The following MLIP variants were observed in gnomAD, a reference collection of about 807,000 sequenced individuals.
The protein encoded by MLIP is muscular LMNA interacting protein.
A neutral mutation model predicts 84.8 loss-of-function variants in MLIP; 79 were observed. That is an observed-to-expected ratio of 0.93 (90% CI 0.78 to 1.12). The LOEUF (loss-of-function observed/expected upper bound fraction) is 1.12. Ranked by LOEUF, MLIP falls within the 50% of genes most tolerant of loss-of-function variation. The pLI, the probability that MLIP is intolerant of heterozygous loss-of-function variation, is 0.00. For synonymous variants in MLIP, 504 were observed against 463.0 expected, an observed-to-expected ratio of 1.09 and a Z score of -1.14; for missense variants, 1,257 against 1,160.6, an observed-to-expected ratio of 1.08 and a Z score of -1.21.
chr6:54,158,675 T>G (rs1468680351), intron 5 of MLIP, among the ~76,000 whole-genome samples: 3 of 152,058 alleles, frequency 2.0e-5, no homozygotes, highest in African/African-American at 7.2e-5. Flanking sequence ...GACAATTTTG[T>G]GTGTGTTCAA....
chr6:54,209,410 T>A (rs926551439), intron 11 of MLIP, among the ~76,000 whole-genome samples: 2 of 152,178 alleles, frequency 1.3e-5, no homozygotes, highest in South Asian at 2.1e-4. Flanking sequence ...GCTTGTGAAG[T>A]TCAGCCTATG....
intron 1 of MLIP, among the ~76,000 whole-genome samples, chr6:54,039,853 A>G (rs1365849769): frequency 1.3e-5 from 2 of 151,952 alleles, no homozygotes; most frequent in African/African-American, 2.4e-5. Context: ...AAAATGTTAA[A>G]CATTTTAGAT....
intron 1 of MLIP, among the ~76,000 whole-genome samples, chr6:54,037,661 G>T (rs933044462): frequency 6.6e-6 from 1 of 151,950 alleles, no homozygotes; most frequent in Non-Finnish European, 1.5e-5. Context: ...AAGTTTATCA[G>T]ATTTGTTGAG....
At chr6:54,106,137 A>G (rs1768995268) in intron 1 of MLIP, among the ~76,000 whole-genome samples, 1 of 152,156 alleles carries the variant, frequency 6.6e-6, no homozygotes, top group African/African-American at 2.4e-5. Flanking sequence ...AGACTGGGCT[A>G]CAGAGTGGTC....
intron 1 of MLIP, among the ~76,000 whole-genome samples, chr6:54,022,523 A>C (rs959721424): frequency 3.9e-5 from 6 of 152,238 alleles, no homozygotes; most frequent in Non-Finnish European, 8.8e-5. Context: ...TACTTCTGGA[A>C]TAGTTTTAAG....
At chr6:54,176,936 AAAC>A (rs1193768755) in intron 9 of MLIP, among the ~76,000 whole-genome samples, 2 of 152,100 alleles carry the variant, frequency 1.3e-5, no homozygotes, top group African/African-American at 4.8e-5. Flanking sequence ...AACCTGACAA[AAAC>A]AAGCAATGGG....
intron 1 of MLIP, among the ~76,000 whole-genome samples, chr6:54,048,641 G>A (rs1420460427): frequency 1.3e-5 from 2 of 152,130 alleles, no homozygotes; most frequent in African/African-American, 4.8e-5. Context: ...AATGTTCAAG[G>A]CATAGGTTAA....
chr6:54,149,177 T>A, intron 5 of MLIP, 50 bp downstream of exon 5: 1 of 1,495,208 alleles, frequency 6.7e-7, no homozygotes, highest in Non-Finnish European at 9.2e-7. Flanking sequence ...ATGTGATTTT[T>A]AAAATGTTTT....
chr6:54,055,049 A>G (rs558199791), intron 1 of MLIP, among the ~76,000 whole-genome samples: 7 of 151,996 alleles, frequency 4.6e-5, no homozygotes, highest in African/African-American at 1.7e-4. Flanking sequence ...CACCACGCCC[A>G]GCTATTTTTT....
intron 4 of MLIP, among the ~76,000 whole-genome samples, chr6:54,143,726 G>A (rs768497609): frequency 1.8e-4 from 27 of 152,226 alleles, no homozygotes; most frequent in Non-Finnish European, 2.6e-4. Flanking sequence ...AACCATAGAC[G>A]AAGAACTAAA....
chr6:54,081,978 T>G lies in MLIP; in HGVS notation c.64-39469T>G, dbSNP rs12209586. 9.8e-3 allele frequency among the ~76,000 whole-genome samples: 1,491 copies of G among 152,166 alleles called. 12 individuals are homozygous for G. Among genetic ancestry groups the G allele is most frequent in the Non-Finnish European group, 0.015 (1,050 of 67,992 alleles). The stretch of plus-strand genomic sequence containing the variant: ...TCTTGTGTAGCTCTCCCTGTCTCAT[T>G]CTCCCCAACTTTGCCTAGTGTTTAC... On this transcript the variant is annotated intron_variant, in intron 1 of 12. Coordinates refer to the MLIP transcript ENST00000274897.
At chr6:54,234,387 C>A (rs942831414) in intron 12 of MLIP, among the ~76,000 whole-genome samples, 1 of 152,090 alleles carries the variant, frequency 6.6e-6, no homozygotes, top group African/African-American at 2.4e-5. Flanking sequence ...AAAGTTAGAT[C>A]TTATTATCAC....
intron 1 of MLIP, among the ~76,000 whole-genome samples, chr6:54,084,825 G>C (rs75684844): frequency 6.6e-6 from 1 of 152,122 alleles, no homozygotes; most frequent in South Asian, 2.1e-4. Flanking sequence ...GTGGATAAAA[G>C]CTTCAAAAAT....
intron 1 of MLIP, among the ~76,000 whole-genome samples, chr6:54,086,801 T>C (rs1186471572): frequency 2.0e-5 from 3 of 152,182 alleles, no homozygotes; most frequent in Admixed American, 2.0e-4. Context: ...TTCACCTAGA[T>C]ATCTGCATAA....
chr6:54,200,666 G>T (rs1468788739), intron 10 of MLIP, among the ~76,000 whole-genome samples: 1 of 137,054 alleles, frequency 7.3e-6, no homozygotes, highest in Non-Finnish European at 1.5e-5. Flanking sequence ...TTGTTCTCAT[G>T]TGTATACTCT....
chr6:54,173,702 G>A (rs1775993980), intron 9 of MLIP, among the ~76,000 whole-genome samples: 1 of 151,662 alleles, frequency 6.6e-6, no homozygotes, highest in Non-Finnish European at 1.5e-5. Flanking sequence ...GTCCCCTCAA[G>A]CTTTTATCCT....
In MLIP at chr6:54,136,826, G is replaced by A; in HGVS notation, c.757G>A (p.Ala253Thr). Reference protein sequence around the residue: ...TPPDPVNLEGASVLEEFHTRR... With the variant: ...TPPDPVNLEGTSVLEEFHTRR... ...ACCCGACCCAGTTAACCTCGAGGGAGCCTCTGTCCTAGAGGAGTTCCACAC... is the reference window on the plus strand; with the variant it reads ...ACCCGACCCAGTTAACCTCGAGGGAACCTCTGTCCTAGAGGAGTTCCACAC... The change falls in exon 4 of 14, where the codon GCC (alanine) becomes ACC (threonine). Residue 253 changes from alanine to threonine, a missense_variant. Coordinates refer to ENST00000502396, the MANE Select transcript of MLIP (RefSeq NM_001281747.2). 4 of 1,531,194 alleles carry A rather than the reference G, an allele frequency of 2.6e-6. No individual in the cohort carries two copies. Among genetic ancestry groups the A allele is most frequent in the Non-Finnish European group, 2.6e-6 (3 of 1,142,758 alleles). 94.9% of individuals were successfully genotyped at this position (1,531,194 alleles called of 1,614,324 possible).
chr6:54,127,869 A>G (rs2150455535), intron 3 of MLIP, among the ~76,000 whole-genome samples: 1 of 152,324 alleles, frequency 6.6e-6, no homozygotes, highest in Middle Eastern at 3.4e-3. Context: ...CTTAAATAAA[A>G]TTCAGAAAAA....
chr6:54,051,841 T>C (rs1484933006), intron 1 of MLIP, among the ~76,000 whole-genome samples: 1 of 152,178 alleles, frequency 6.6e-6, no homozygotes. Flanking sequence ...TAGTACGGAC[T>C]GGCATTATGG....
Sources: allele counts gnomAD v4.1 joint callset (sites outside exome capture counted in the v4.1 genomes callset), GRCh38; gene constraint gnomAD v4.1.1; transcripts MANE v1.5; gene names NCBI Gene and HGNC (gene_info 2026-07-23, HGNC 2026-07-21).